PLEKHM3: variants seen among roughly 807,000 people sequenced by gnomAD.
PLEKHM3 encodes the protein pleckstrin homology domain containing M3.
Under a neutral mutation model 81.8 loss-of-function variants are expected in PLEKHM3, and 45 were observed. The ratio of observed to expected loss-of-function variants is 0.55; its 90% CI spans 0.43 to 0.71. The LOEUF is 0.71. Among genes scored for constraint, PLEKHM3 ranks in the 30% least tolerant of loss-of-function variants. The probability of loss-of-function intolerance (pLI) is 0.00; values close to 1 mark genes in which losing one functional copy is unlikely to be tolerated. For missense variants in PLEKHM3, 788 were observed against 924.3 expected (o/e 0.85, Z 1.91); for synonymous variants, 352 against 356.4 (o/e 0.99, Z 0.14).
intron 7 of PLEKHM3, among the ~76,000 whole-genome samples, chr2:207,842,579 CAT>C (rs963844331): frequency 6.0e-5 from 9 of 150,682 alleles, no homozygotes; most frequent in African/African-American, 2.2e-4. Context: ...TATATATTAA[CAT>C]TGAAGGAGGG....
At chr2:207,902,415 C>T (rs181293946) in intron 6 of PLEKHM3, among the ~76,000 whole-genome samples, 71 of 152,250 alleles carry the variant, frequency 4.7e-4, no homozygotes, top group Admixed American at 4.6e-3. Flanking sequence ...ATTGCCTTTT[C>T]GTGATCTTAC....
rs973456050 is a variant in PLEKHM3, at chr2:207,852,285, C to G, written c.2108+8820G>C. Among the ~76,000 whole-genome samples, 7 of 152,172 alleles carry G rather than the reference C, an allele frequency of 4.6e-5. 1 individual carries two copies. The highest frequency in any genetic ancestry group is 1.7e-4 in the African/African-American group (7 of 41,438). On this transcript the variant is annotated intron_variant, in intron 7 of 7. Transcript: ENST00000427836. ...TCTAGGGCCACGTTAATTGCCTTCT[C>G]TGAACCTAGGTTTCTTCATTATTAA...
rs544809265 is a variant in PLEKHM3, at chr2:208,024,231, C to G, written c.-319+1158G>C. ...GGTCAATACTATTATTATTCCCATTCTACAGATTAGGAAACAGAAGCGCTA... is the reference window on the plus strand; with the variant it reads ...GGTCAATACTATTATTATTCCCATTGTACAGATTAGGAAACAGAAGCGCTA... On this transcript the variant is annotated intron_variant, in intron 1 of 7. Transcript: ENST00000427836. Among the ~76,000 whole-genome samples, 116 of 151,818 alleles carry G rather than the reference C, an allele frequency of 7.6e-4. 1 individual carries two copies. Among genetic ancestry groups the G allele is most frequent in the African/African-American group, 2.5e-3 (101 of 41,200 alleles).
At chr2:207,883,400 A>G (rs376699248) in intron 6 of PLEKHM3, among the ~76,000 whole-genome samples, 1 of 152,208 alleles carries the variant, frequency 6.6e-6, no homozygotes, top group African/African-American at 2.4e-5. Context: ...CAGCACACAA[A>G]CTGGTAAACT....
intron 5 of PLEKHM3, among the ~76,000 whole-genome samples, chr2:207,918,936 CA>C (rs1277677804): frequency 6.6e-6 from 1 of 151,990 alleles, no homozygotes; most frequent in Non-Finnish European, 1.5e-5. Context: ...GAGATGGAAA[CA>C]GACAAAATAA....
At chr2:207,861,411 T>C (rs2105812670) in intron 6 of PLEKHM3, 149 bp from the exon 7 acceptor site, 1 of 970,496 alleles carries the variant, frequency 1.0e-6, no homozygotes, top group Non-Finnish European at 1.5e-6. Flanking sequence ...AAAGACATAG[T>C]AGTTTTGCTC....
intron 3 of PLEKHM3, among the ~76,000 whole-genome samples, chr2:207,952,045 A>G (rs1690344810): frequency 6.6e-6 from 1 of 152,210 alleles, no homozygotes; most frequent in African/African-American, 2.4e-5. Flanking sequence ...GCTTTTACCT[A>G]ATTCAGTAAG....
At chr2:207,950,574 C>A (rs1461582938) in intron 3 of PLEKHM3, among the ~76,000 whole-genome samples, 3 of 152,134 alleles carry the variant, frequency 2.0e-5, no homozygotes, top group African/African-American at 7.2e-5. Flanking sequence ...CATCCTCCCC[C>A]TCCCATCCTA....
At chr2:207,828,628 A>T in intron 7 of PLEKHM3, 132 bp from the exon 8 acceptor site, 3 of 789,376 alleles carry the variant, frequency 3.8e-6, no homozygotes, top group Non-Finnish European at 5.9e-6. Flanking sequence ...GGGAAGGGAG[A>T]TGACTCACTG....
At chr2:207,923,880 C>CACACATATATAT (rs1319162543) in intron 5 of PLEKHM3, among the ~76,000 whole-genome samples, 7 of 56,786 alleles carry the variant, frequency 1.2e-4, no homozygotes, top group East Asian at 4.3e-4. Context: ...CACACACACA[C>CACACATATATAT]ATATATATAT....
At chr2:207,947,944 C>G (rs1559251159) in intron 3 of PLEKHM3, among the ~76,000 whole-genome samples, 1 of 152,170 alleles carries the variant, frequency 6.6e-6, no homozygotes, top group Non-Finnish European at 1.5e-5. Flanking sequence ...CCAGTGCATC[C>G]TCTAGAAAGA....
At chr2:207,952,179 C>A (rs183456695) in intron 3 of PLEKHM3, among the ~76,000 whole-genome samples, 6 of 152,182 alleles carry the variant, frequency 3.9e-5, no homozygotes, top group Non-Finnish European at 8.8e-5. Flanking sequence ...TGAGAAGACA[C>A]ATTGTCGTTT....
chr2:207,845,703 T>C (rs2092378362), intron 7 of PLEKHM3, among the ~76,000 whole-genome samples: 1 of 152,232 alleles, frequency 6.6e-6, no homozygotes, highest in South Asian at 2.1e-4. Context: ...AGAAAATATG[T>C]TAATAACTAC....
chr2:207,920,653 ATT>A (rs58599860), intron 5 of PLEKHM3, among the ~76,000 whole-genome samples: 48 of 138,874 alleles, frequency 3.5e-4, no homozygotes, highest in African/African-American at 8.5e-4. Context: ...CAGTTTGCCT[ATT>A]TTTTTTTTTT....
intron 6 of PLEKHM3, among the ~76,000 whole-genome samples, chr2:207,885,896 A>T (rs2105861078): frequency 6.6e-6 from 1 of 152,346 alleles, no homozygotes; most frequent in Admixed American, 6.5e-5. Flanking sequence ...ACACTTTAGA[A>T]AGAAAGATTA....
intron 5 of PLEKHM3, among the ~76,000 whole-genome samples, chr2:207,923,658 G>A (rs771142088): frequency 3.2e-4 from 48 of 151,158 alleles, no homozygotes; most frequent in Non-Finnish European, 5.9e-4. Context: ...ATAAGGTGAT[G>A]AGAGTAGAGA....
At chr2:207,947,862 A>G (rs1161981061) in intron 3 of PLEKHM3, among the ~76,000 whole-genome samples, 1 of 152,262 alleles carries the variant, frequency 6.6e-6, no homozygotes, top group African/African-American at 2.4e-5. Context: ...TCCATGAATG[A>G]AAGTATCACA....
intron 3 of PLEKHM3, among the ~76,000 whole-genome samples, chr2:207,957,427 G>A (rs1208483998): frequency 2.0e-5 from 3 of 152,202 alleles, no homozygotes; most frequent in Non-Finnish European, 4.4e-5. Context: ...GGCTGGGCGC[G>A]GTGGCTCACG....
intron 7 of PLEKHM3, among the ~76,000 whole-genome samples, chr2:207,829,547 G>T (rs956503598): frequency 4.6e-5 from 7 of 152,198 alleles, no homozygotes; most frequent in African/African-American, 1.7e-4. Flanking sequence ...AAAGTGCTAG[G>T]ATTACAGGTG....
Sources: allele counts gnomAD v4.1 joint callset (sites outside exome capture counted in the v4.1 genomes callset), GRCh38; gene constraint gnomAD v4.1.1; transcripts MANE v1.5; gene names NCBI Gene and HGNC (gene_info 2026-07-23, HGNC 2026-07-21).